ARHGEF17: variants seen among roughly 807,000 people sequenced by gnomAD.
ARHGEF17 encodes Rho guanine nucleotide exchange factor 17.
A neutral mutation model predicts 174.0 loss-of-function variants in ARHGEF17; 80 were observed. The observed-to-expected ratio is 0.46, with a 90% CI of 0.38 to 0.55. The LOEUF is 0.55. Among genes scored for constraint, ARHGEF17 ranks in the 20% least tolerant of loss-of-function variants. ARHGEF17 has a pLI of 0.00. For missense variants in ARHGEF17, 2,886 were observed against 2,839.7 expected (o/e 1.02, Z -0.37); for synonymous variants, 1,311 against 1,189.1 (o/e 1.10, Z -2.11).
Position 73,362,424 on chromosome 11 carries a change from T to C in ARHGEF17, c.4695-9T>C, listed in dbSNP as rs1330990975. ...TAGCTGCTGTCATCCTCACTCCGTC[T>C]TCTCGCAGGGAGCCTCCTCCGTCGC... is the stretch of plus-strand genomic sequence containing the variant. On this transcript the variant is annotated splice_polypyrimidine_tract_variant and intron_variant, in intron 13 of 20. Coordinates refer to ENST00000263674, the MANE Select transcript of ARHGEF17 (RefSeq NM_014786.4). 2 of 1,541,022 alleles carry C rather than the reference T, an allele frequency of 1.3e-6. No homozygotes were observed. Among genetic ancestry groups the C allele is most frequent in the East Asian group, 2.3e-5 (1 of 43,758 alleles).
intron 11 of ARHGEF17, among the ~76,000 whole-genome samples, chr11:73,360,837 G>T (rs1282467483): frequency 6.6e-6 from 1 of 152,226 alleles, no homozygotes; most frequent in Non-Finnish European, 1.5e-5. Flanking sequence ...GGCTGGATCA[G>T]GGAAAGCGAT....
At chr11:73,356,121 C>A in intron 5 of ARHGEF17, 54 bp from the exon 6 acceptor site, 1 of 1,602,982 alleles carries the variant, frequency 6.2e-7, no homozygotes, top group Non-Finnish European at 8.5e-7. Context: ...CTCCAGCAGT[C>A]TGGGGCCCCA....
intron 6 of ARHGEF17, 105 bp downstream of exon 6, chr11:73,356,456 T>C (rs764037527): frequency 2.9e-6 from 4 of 1,356,718 alleles, no homozygotes; most frequent in African/African-American, 1.5e-5. Context: ...GCTGTGTCCA[T>C]GTCCGGAACC....
rs377381457 is a variant in ARHGEF17 at position 73,311,453 on chromosome 11, G to A, written c.2815G>A (p.Gly939Ser). 6.2e-7 allele frequency: 1 copy of A among 1,613,362 alleles called. No homozygotes were observed. Among genetic ancestry groups the A allele is most frequent in the Admixed American group, 1.7e-5 (1 of 60,034 alleles). Reference sequence around the variant, plus strand: ...TCACCAGGAGCTTCGGAGAGACGAGGGCAGTCAGGACCAGACTGGCAGCCT... The same window carrying A: ...TCACCAGGAGCTTCGGAGAGACGAGAGCAGTCAGGACCAGACTGGCAGCCT... Reference protein sequence around the residue: ...SSHQELRRDEGSQDQTGSLSR... With the variant: ...SSHQELRRDESSQDQTGSLSR... Residue 939 changes from glycine (G) to serine (S), a missense_variant, in exon 1 of 21, where the codon GGC (glycine) becomes AGC (serine). Around this residue, in one of 4 missense-constraint regions of ARHGEF17, gnomAD observed 1,728 missense variants for 1,461.2 expected, o/e 1.18. Transcript: ENST00000263674.
chr11:73,337,091 G>C (rs1865297327), intron 1 of ARHGEF17, among the ~76,000 whole-genome samples: 2 of 152,188 alleles, frequency 1.3e-5, no homozygotes, highest in South Asian at 4.1e-4. Flanking sequence ...AGGGGACCTG[G>C]ACCTCGTCTT....
chr11:73,327,059 G>T (rs1174937509), intron 1 of ARHGEF17, among the ~76,000 whole-genome samples: 2 of 152,232 alleles, frequency 1.3e-5, no homozygotes, highest in Non-Finnish European at 2.9e-5. Context: ...GTCTCCAGAC[G>T]CAGCCAGGAT....
At chr11:73,326,025 G>A (rs1865096218) in intron 1 of ARHGEF17, among the ~76,000 whole-genome samples, 4 of 152,136 alleles carry the variant, frequency 2.6e-5, no homozygotes, top group South Asian at 4.1e-4. Flanking sequence ...TCTGAGTGGC[G>A]GGTTGGGGGA....
intron 14 of ARHGEF17, 138 bp downstream of exon 14, chr11:73,362,872 A>G (rs963858917): frequency 1.8e-5 from 20 of 1,140,042 alleles, no homozygotes; most frequent in Middle Eastern, 2.6e-4. Flanking sequence ...CAATGAGGGC[A>G]GGGGATGTGA....
chr11:73,316,807 AGCATTCACAGGTCT>A, intron 1 of ARHGEF17, among the ~76,000 whole-genome samples: 1 of 152,336 alleles, frequency 6.6e-6, no homozygotes, highest in Non-Finnish European at 1.5e-5. Flanking sequence ...GTCTGACTTA[AGCATTCACAGGTCT>A]GCTCTGGCTG....
Position 73,310,787 on chromosome 11 carries a change from T to G in ARHGEF17, c.2149T>G (p.Ser717Ala). 1 of 1,612,270 alleles carries G rather than the reference T, an allele frequency of 6.2e-7. No individual in the cohort carries two copies. Among genetic ancestry groups the G allele is most frequent in the Non-Finnish European group, 8.5e-7 (1 of 1,179,548 alleles). Residue 717 changes from serine (S) to alanine (A), a missense_variant, in exon 1 of 21, where the codon TCT becomes GCT. Ser to Ala is a moderately conservative substitution (Grantham distance 99). Transcript: ENST00000263674. ...ACGACGCAAAGTCCCACCTTCAGGT[T>G]CTGGTGGGAGCGAATTGAGCAATGG... ...RRRRKVPPSGSGGSELSNGEA... is the reference protein window; with the variant it reads ...RRRRKVPPSGAGGSELSNGEA...
chr11:73,321,832 G>A (rs1865021909), intron 1 of ARHGEF17, among the ~76,000 whole-genome samples: 1 of 152,228 alleles, frequency 6.6e-6, no homozygotes, highest in Non-Finnish European at 1.5e-5. Context: ...AGGTGCAGCA[G>A]GTCGGGGGCC....
chr11:73,358,264 C>T (rs1440488949), intron 9 of ARHGEF17, among the ~76,000 whole-genome samples: 1 of 152,112 alleles, frequency 6.6e-6, no homozygotes, highest in Non-Finnish European at 1.5e-5. Context: ...ATGTATTGCT[C>T]ACCGTTGAGG....
At chr11:73,356,916 A>G in intron 7 of ARHGEF17, 109 bp from the exon 8 acceptor site, 7 of 1,484,740 alleles carry the variant, frequency 4.7e-6, no homozygotes, top group Non-Finnish European at 6.5e-6. Context: ...GAAGCTGGGG[A>G]AGAGCCCTCA....
Position 73,311,147 on chromosome 11 carries a change from C to T in ARHGEF17, c.2509C>T (p.Leu837=), listed in dbSNP as rs751657291. The T allele has an allele frequency of 5.0e-6, 8 of 1,596,028 alleles. No individual in the cohort carries two copies. The highest frequency in any genetic ancestry group is 1.7e-5 in the Admixed American group (1 of 58,648). Residue 837 remains leucine, a synonymous_variant, in exon 1 of 21, where the codon CTG becomes TTG. Transcript: ENST00000263674. ...GAGTGACCCCAGCCGCCGTGGGGAG[C>T]TGGCTGGGCCTGGATTCGAGGGCCC... ...SLSDPSRRGE[L]AGPGFEGPGG...
intron 1 of ARHGEF17, among the ~76,000 whole-genome samples, chr11:73,324,947 C>T (rs1865077112): frequency 1.3e-5 from 2 of 152,086 alleles, no homozygotes; most frequent in South Asian, 4.1e-4. Flanking sequence ...GCCCAGGGAC[C>T]CTTCTCTTGG....
intron 2 of ARHGEF17, among the ~76,000 whole-genome samples, chr11:73,351,726 C>T (rs1865557652): frequency 6.6e-6 from 1 of 152,066 alleles, no homozygotes. Flanking sequence ...GGACTACAGG[C>T]GCACACCACT....
At chr11:73,342,666 C>T (rs193190741) in intron 1 of ARHGEF17, among the ~76,000 whole-genome samples, 23 of 152,254 alleles carry the variant, frequency 1.5e-4, no homozygotes, top group Non-Finnish European at 2.6e-4. Context: ...CGTGGCTCCT[C>T]GGTGGGAAGC....
intron 1 of ARHGEF17, among the ~76,000 whole-genome samples, chr11:73,341,663 A>AT (rs1865371620): frequency 6.6e-6 from 1 of 152,248 alleles, no homozygotes; most frequent in Non-Finnish European, 1.5e-5. Context: ...GGGAAAAGGC[A>AT]TGGGCCAAGA....
At chr11:73,317,760 G>A (rs1864952166) in intron 1 of ARHGEF17, among the ~76,000 whole-genome samples, 1 of 152,194 alleles carries the variant, frequency 6.6e-6, no homozygotes, top group Non-Finnish European at 1.5e-5. Context: ...TGGGGGTTGG[G>A]AGAGACAGAC....
Sources: gnomAD v4.1 joint callset for allele counts (sites outside exome capture counted in the v4.1 genomes callset) on GRCh38, gnomAD v4.1.1 for gene constraint, gnomAD v4.1.1 regional missense constraint, MANE v1.5 for transcripts, NCBI Gene and HGNC (gene_info 2026-07-23, HGNC 2026-07-21) for gene names.